RBBP8: variants seen among roughly 807,000 people sequenced by gnomAD.
RBBP8 encodes RB binding protein 8, endonuclease.
In RBBP8, 88 loss-of-function variants were observed where a neutral mutation model predicts 108.3. The observed-to-expected ratio is 0.81, with a 90% CI of 0.68 to 0.97. The LOEUF (loss-of-function observed/expected upper bound fraction) is 0.97, where lower values mean the gene tolerates loss of function less well. Ranked by LOEUF, RBBP8 falls within the 50% of genes least tolerant of loss-of-function variation. The probability of loss-of-function intolerance (pLI) is 0.00; values close to 1 mark genes in which losing one functional copy is unlikely to be tolerated. For missense variants in RBBP8, 1,023 were observed against 1,049.0 expected (o/e 0.98, Z 0.34); for synonymous variants, 332 against 348.2 (o/e 0.95, Z 0.52).
chr18:23,026,300 T>G lies in RBBP8; in HGVS notation c.*60T>G. On this transcript the variant is annotated 3_prime_UTR_variant, in exon 19 of 19. Transcript: ENST00000327155. ...TTTTTCCTTCTTAGTTATTTATAGT[T>G]AAAGTTGGTACTAAACATTGATTTT... 7.4e-7 allele frequency: 1 copy of G among 1,354,534 alleles called. No individual in the cohort carries two copies. The highest frequency in any genetic ancestry group is 1.1e-6 in the Non-Finnish European group (1 of 951,898). The allele number at this position is 1,354,534 out of a possible 1,614,324, so 83.9% of individuals were successfully genotyped here. A position where few individuals can be genotyped will look rare whatever the true frequency, so the allele number is the denominator to read the frequency against.
At chr18:22,962,370 C>T (rs1913177546) in intron 4 of RBBP8, among the ~76,000 whole-genome samples, 1 of 152,110 alleles carries the variant, frequency 6.6e-6, no homozygotes, top group Non-Finnish European at 1.5e-5. Context: ...GTAACAGTCT[C>T]TTGCAGGTAT....
chr18:22,988,112 CT>C (rs1331092848), intron 8 of RBBP8, among the ~76,000 whole-genome samples: 3 of 152,158 alleles, frequency 2.0e-5, no homozygotes, highest in African/African-American at 7.2e-5. Context: ...TTCTGTGCCC[CT>C]ATTATACTAG....
At chr18:22,998,432 GGAAGA>G (rs1567989792) in intron 14 of RBBP8, among the ~76,000 whole-genome samples, 1 of 152,126 alleles carries the variant, frequency 6.6e-6, no homozygotes, top group Non-Finnish European at 1.5e-5. Context: ...TTGATTTTCC[GGAAGA>G]GATGAGAACA....
intron 6 of RBBP8, among the ~76,000 whole-genome samples, chr18:22,981,011 T>C (rs1473887213): frequency 1.8e-5 from 2 of 112,982 alleles, no homozygotes; most frequent in East Asian, 6.2e-4. Context: ...CTCGCTCTGT[T>C]GCCCAGGCTG....
At chr18:22,937,070 C>T in intron 2 of RBBP8, 110 bp downstream of exon 2, 1 of 1,530,900 alleles carries the variant, frequency 6.5e-7, no homozygotes, top group Non-Finnish European at 8.8e-7. Context: ...CTTTTAGGTT[C>T]CGGGGGTACA....
intron 2 of RBBP8, 62 bp from the exon 3 acceptor site, chr18:22,946,382 T>G: frequency 1.3e-6 from 2 of 1,597,056 alleles, no homozygotes; most frequent in South Asian, 2.2e-5. Flanking sequence ...GACTTAATAG[T>G]GGAGCATTTG....
At chr18:22,968,668 A>G (rs1016397489) in intron 4 of RBBP8, 138 bp from the exon 5 acceptor site, 12 of 671,260 alleles carry the variant, frequency 1.8e-5, no homozygotes, top group African/African-American at 3.6e-5. Flanking sequence ...AATATGTTAA[A>G]GGTATAATAA....
chr18:23,016,795 A>C, intron 16 of RBBP8, 33 bp from the exon 17 acceptor site: 1 of 1,415,986 alleles, frequency 7.1e-7, no homozygotes. Context: ...TCTGAACTCT[A>C]AGCTTTGTTA....
At chr18:22,988,328 T>C (rs2144681226) in intron 8 of RBBP8, among the ~76,000 whole-genome samples, 1 of 152,346 alleles carries the variant, frequency 6.6e-6, no homozygotes, top group South Asian at 2.1e-4. Context: ...TAGCATAACC[T>C]GACCCCTAAC....
chr18:22,942,411 T>C (rs1216632074), intron 2 of RBBP8, among the ~76,000 whole-genome samples: 1 of 152,066 alleles, frequency 6.6e-6, no homozygotes, highest in Non-Finnish European at 1.5e-5. Flanking sequence ...CACAACAATA[T>C]AATAAACTGC....
In RBBP8 at chr18:22,996,299, G is replaced by C. The variant is rs1018896979; in HGVS notation, c.1940-75G>C. On this transcript the variant is annotated intron_variant, in intron 12 of 18. Transcript: ENST00000327155. Reference sequence around the variant, plus strand: ...TTTGCAAAAATTTTCTATTCTTTAGGTCCCATAATATTTTAAAGTGATGAG... The same window carrying C: ...TTTGCAAAAATTTTCTATTCTTTAGCTCCCATAATATTTTAAAGTGATGAG... 8 of 1,580,398 alleles carry C rather than the reference G, an allele frequency of 5.1e-6. No homozygotes were observed. In the African/African-American group the frequency reaches 9.5e-5, roughly 19 times the overall value.
At chr18:22,936,683 T>G in intron 1 of RBBP8, 71 bp from the exon 2 acceptor site, 1 of 691,004 alleles carries the variant, frequency 1.4e-6, no homozygotes, top group Non-Finnish European at 2.5e-6. Context: ...TCTGGGCTTG[T>G]GTTTCATCCT....
chr18:22,936,237 G>A (rs1910569280), intron 1 of RBBP8, among the ~76,000 whole-genome samples: 1 of 151,952 alleles, frequency 6.6e-6, no homozygotes, highest in African/African-American at 2.4e-5. Context: ...GAGTAGCTGG[G>A]GCCACAGGCA....
chr18:22,947,308 G>A (rs375473138), intron 3 of RBBP8, among the ~76,000 whole-genome samples: 21 of 151,924 alleles, frequency 1.4e-4, no homozygotes, highest in African/African-American at 4.8e-4. Context: ...GGTATAACTC[G>A]AACATAATGT....
At chr18:22,947,017 G>A (rs1203795352) in intron 3 of RBBP8, among the ~76,000 whole-genome samples, 1 of 151,834 alleles carries the variant, frequency 6.6e-6, no homozygotes, top group Non-Finnish European at 1.5e-5. Flanking sequence ...TTTTAAGTTC[G>A]GGAACATATT....
At chr18:22,942,666 T>C (rs1642739210) in intron 2 of RBBP8, among the ~76,000 whole-genome samples, 1 of 152,140 alleles carries the variant, frequency 6.6e-6, no homozygotes, top group South Asian at 2.1e-4. Flanking sequence ...GTGTTTATGC[T>C]TTAAATTCCG....
chr18:22,922,212 C>T (rs1214668314), intron 3 of RBBP8, among the ~76,000 whole-genome samples: 2 of 151,728 alleles, frequency 1.3e-5, no homozygotes, highest in Non-Finnish European at 2.9e-5. Flanking sequence ...TCAGAGAAAG[C>T]GAAGGAGAAA....
chr18:22,964,373 G>GT (rs71161350), intron 4 of RBBP8, among the ~76,000 whole-genome samples: 67,038 of 139,098 alleles, frequency 0.48, 18,643 homozygotes, highest in Middle Eastern at 0.66. Flanking sequence ...GGAGACTTAG[G>GT]TTTTTTTTTT....
intron 3 of RBBP8, among the ~76,000 whole-genome samples, chr18:22,917,995 C>CT (rs1161346788): frequency 2.8e-5 from 2 of 71,576 alleles, no homozygotes; most frequent in East Asian, 6.1e-4. Flanking sequence ...AAGACTCCGT[C>CT]TCAAAAAAAA....
Sources: gnomAD v4.1 joint callset for allele counts (sites outside exome capture counted in the v4.1 genomes callset) on GRCh38, gnomAD v4.1.1 for gene constraint, MANE v1.5 for transcripts, NCBI Gene and HGNC (gene_info 2026-07-23, HGNC 2026-07-21) for gene names.